The following PPP4R2 variants were observed in gnomAD, a reference collection of about 807,000 sequenced individuals.
The protein encoded by PPP4R2 is protein phosphatase 4 regulatory subunit 2.
A neutral mutation model predicts 47.2 loss-of-function variants in PPP4R2; 13 were observed. The observed-to-expected ratio is 0.28, with a 90% confidence interval of 0.18 to 0.44. PPP4R2 has a LOEUF of 0.44. Ranked by LOEUF, PPP4R2 falls within the 20% of genes least tolerant of loss-of-function variation. PPP4R2 has a pLI of 1.00. For synonymous variants in PPP4R2, 151 were observed against 163.3 expected, an observed-to-expected ratio of 0.92 and a Z score of 0.57; for missense variants, 421 against 491.2, an observed-to-expected ratio of 0.86 and a Z score of 1.35.
At chr3:73,037,923 A>G (rs1008498989) in intron 2 of PPP4R2, among the ~76,000 whole-genome samples, 3 of 152,234 alleles carry the variant, frequency 2.0e-5, no homozygotes, top group African/African-American at 7.2e-5. Context: ...ACCTGCTGGC[A>G]GTAACAAAGT....
intron 2 of PPP4R2, among the ~76,000 whole-genome samples, chr3:73,002,629 C>CTATTTTTTTT (rs1701496231): frequency 1.2e-5 from 1 of 83,002 alleles, no homozygotes; most frequent in Non-Finnish European, 2.4e-5. Context: ...CTTTTCTTTT[C>CTATTTTTTTT]TTTTCTTTTT....
intron 2 of PPP4R2, among the ~76,000 whole-genome samples, chr3:73,044,449 A>AG (rs1333647396): frequency 2.6e-5 from 4 of 152,102 alleles, no homozygotes; most frequent in African/African-American, 9.7e-5. Flanking sequence ...AGCTGGACGT[A>AG]GTGGTAGGCA....
At position 73,004,922 on chromosome 3, in the gene PPP4R2, T is replaced by TG. The variant is rs1491500151; in HGVS notation, c.116+6764_116+6765insG. Among the ~76,000 whole-genome samples the TG allele has an allele frequency of 8.4e-4, 91 of 108,952 alleles. 2 individuals carry two copies. The highest frequency in any genetic ancestry group is 2.8e-3 in the African/African-American group (68 of 24,578). The allele number at this position is 108,952 out of a possible 152,430, so 71.5% of individuals were successfully genotyped here. Reference sequence around the variant, plus strand: ...TTTGAGTCGGAGTCATGTGTGTGTGTTTGTGTGTTTTGAGTCGGAGTCGTG... The same window carrying TG: ...TTTGAGTCGGAGTCATGTGTGTGTGTGTTGTGTGTTTTGAGTCGGAGTCGTG... On this transcript the variant is annotated intron_variant, in intron 2 of 8. Coordinates refer to ENST00000356692, the MANE Select transcript of PPP4R2 (RefSeq NM_174907.4).
chr3:73,041,987 C>T (rs1181981654), intron 2 of PPP4R2, among the ~76,000 whole-genome samples: 1 of 151,988 alleles, frequency 6.6e-6, no homozygotes, highest in Non-Finnish European at 1.5e-5. Flanking sequence ...ATTGTACTTT[C>T]CTACAGGAGA....
chr3:73,011,331 A>T (rs556907043), intron 2 of PPP4R2, among the ~76,000 whole-genome samples: 18 of 152,278 alleles, frequency 1.2e-4, no homozygotes, highest in Admixed American at 1.2e-3. Flanking sequence ...AATAGAAAAA[A>T]TTAGCTGGGC....
At chr3:73,060,275 C>G (rs957793344) in intron 4 of PPP4R2, among the ~76,000 whole-genome samples, 2 of 152,192 alleles carry the variant, frequency 1.3e-5, no homozygotes, top group African/African-American at 4.8e-5. Context: ...GGCCAGGAAA[C>G]TGAGATGGCT....
intron 2 of PPP4R2, among the ~76,000 whole-genome samples, chr3:73,032,994 G>A (rs1432192286): frequency 1.3e-5 from 2 of 151,992 alleles, no homozygotes; most frequent in Non-Finnish European, 2.9e-5. Context: ...ATCCTACCAA[G>A]TTATGATGAA....
At chr3:73,009,779 TGA>T (rs1334112957) in intron 2 of PPP4R2, among the ~76,000 whole-genome samples, 2 of 152,146 alleles carry the variant, frequency 1.3e-5, no homozygotes, top group African/African-American at 4.8e-5. Flanking sequence ...TGTAGATAAT[TGA>T]GAGTGTTTAC....
intron 2 of PPP4R2, among the ~76,000 whole-genome samples, chr3:73,030,368 T>C (rs1702145855): frequency 6.6e-6 from 1 of 152,178 alleles, no homozygotes; most frequent in Non-Finnish European, 1.5e-5. Context: ...AAATTCCCTA[T>C]TGTTTTCAGT....
intron 2 of PPP4R2, among the ~76,000 whole-genome samples, chr3:73,021,273 C>T (rs1701955272): frequency 6.7e-6 from 1 of 150,190 alleles, no homozygotes. Context: ...TACTGTTTCA[C>T]CCAGGCTGGG....
intron 6 of PPP4R2, 21 bp downstream of exon 6, chr3:73,063,768 T>TA (rs3841614): frequency 0.51 from 757,164 of 1,476,374 alleles, 197,206 homozygotes; most frequent in South Asian, 0.62. Context: ...AGATTTTTAA[T>TA]ACCTACAGAG....
Position 72,996,949 on chromosome 3 carries a change from G to A in PPP4R2, c.-89G>A. On this transcript the variant is annotated 5_prime_UTR_variant, in exon 1 of 9. Coordinates refer to ENST00000356692, the MANE Select transcript of PPP4R2 (RefSeq NM_174907.4). ...CGTGCCGGAGTGTGTGCGAGGGAGG[G>A]GGAGGGCGTCGGGGGGGTGGGGGGA... 1.9e-6 allele frequency: 2 copies of A among 1,052,132 alleles called. No individual in the cohort carries two copies. Among genetic ancestry groups the A allele is most frequent in the Non-Finnish European group, 2.5e-6 (2 of 791,364 alleles). The allele number at this position is 1,052,132 out of a possible 1,614,324, so 65.2% of individuals were successfully genotyped here.
At chr3:73,021,149 A>G (rs544345151) in intron 2 of PPP4R2, among the ~76,000 whole-genome samples, 19 of 152,112 alleles carry the variant, frequency 1.2e-4, no homozygotes, top group Non-Finnish European at 2.5e-4. Flanking sequence ...TGTGTAGTAA[A>G]TGTTTTAAGT....
Position 73,064,115 on chromosome 3 carries a change from A to G in PPP4R2, c.607A>G (p.Asn203Asp). ...LPESTDSKEA[N>D]LQQNEEKNHS... ...TGAGAGCACAGACAGCAAAGAGGCA[A>G]ATTTGCAGCAAAATGAGGAGAAAAA... The change falls in exon 7 of 9, where the codon AAT (asparagine) becomes GAT (aspartate). Residue 203 changes from asparagine to aspartate, a missense_variant. Asn to Asp is a conservative substitution (Grantham distance 23, BLOSUM62 1). Around this residue, in one of 2 missense-constraint regions of PPP4R2, gnomAD observed 317 missense variants for 287.5 expected, o/e 1.10. Transcript: ENST00000356692. 2.5e-6 allele frequency: 4 copies of G among 1,610,926 alleles called. No homozygotes were observed. Among genetic ancestry groups the G allele is most frequent in the Non-Finnish European group, 3.4e-6 (4 of 1,179,216 alleles).
intron 5 of PPP4R2, chr3:73,061,692 GA>G (rs1368864963): frequency 5.2e-6 from 1 of 191,186 alleles, no homozygotes; most frequent in Admixed American, 5.6e-5. Flanking sequence ...CCCCTGCTGA[GA>G]ACCATTGGTT....
intron 3 of PPP4R2, among the ~76,000 whole-genome samples, chr3:73,047,623 A>G (rs976178133): frequency 6.6e-6 from 1 of 152,138 alleles, no homozygotes; most frequent in Non-Finnish European, 1.5e-5. Flanking sequence ...TTCCTGTTTT[A>G]TATTTGGTGT....
chr3:73,035,397 C>G (rs1411797280), intron 2 of PPP4R2, among the ~76,000 whole-genome samples: 1 of 151,648 alleles, frequency 6.6e-6, no homozygotes, highest in East Asian at 1.9e-4. Context: ...GAGACCCTGT[C>G]TAAAAAAGGA....
chr3:73,019,072 ATGG>A (rs766960818), intron 2 of PPP4R2, among the ~76,000 whole-genome samples: 1 of 152,178 alleles, frequency 6.6e-6, no homozygotes, highest in Non-Finnish European at 1.5e-5. Context: ...CACATATATG[ATGG>A]TGGTCCTATA....
chr3:73,050,560 A>G (rs750846047), intron 3 of PPP4R2, among the ~76,000 whole-genome samples: 1 of 152,012 alleles, frequency 6.6e-6, no homozygotes, highest in Non-Finnish European at 1.5e-5. Flanking sequence ...CCCATTTGTA[A>G]TAGATAATCT....
Sources: allele counts gnomAD v4.1 joint callset (sites outside exome capture counted in the v4.1 genomes callset), GRCh38; gene constraint gnomAD v4.1.1; regional missense constraint gnomAD v4.1.1; transcripts MANE v1.5; gene names NCBI Gene and HGNC (gene_info 2026-07-23, HGNC 2026-07-21).